TRHDE: variants seen among roughly 807,000 people sequenced by gnomAD.
TRHDE encodes thyrotropin releasing hormone degrading enzyme, also known as thyrotropin-releasing hormone-degrading ectoenzyme.
A neutral mutation model predicts 125.7 loss-of-function variants in TRHDE; 72 were observed. The ratio of observed to expected loss-of-function variants is 0.57; its 90% CI spans 0.47 to 0.70. TRHDE has a LOEUF of 0.70. TRHDE is among the 30% of genes least tolerant of loss of function. The probability of loss-of-function intolerance (pLI) is 0.00; values close to 1 mark genes in which losing one functional copy is unlikely to be tolerated. For synonymous variants in TRHDE, 509 were observed against 509.1 expected (o/e 1.00, Z 0.00); for missense variants, 1,110 against 1,327.1 (o/e 0.84, Z 2.54).
At chr12:72,174,095 G>T (rs1310373694) in intron 2 of TRHDE, among the ~76,000 whole-genome samples, 1 of 152,158 alleles carries the variant, frequency 6.6e-6, no homozygotes, top group African/African-American at 2.4e-5. Flanking sequence ...CTTGAAAAAT[G>T]CTTGTGCTTT....
intron 12 of TRHDE, among the ~76,000 whole-genome samples, chr12:72,594,397 T>TTTTTTTTTTTTTTTTTTTTTTG (rs1398916062): frequency 6.6e-6 from 1 of 151,796 alleles, no homozygotes; most frequent in African/African-American, 2.4e-5. Flanking sequence ...TTTGTATTTT[T>TTTTTTTTTTTTTTTTTTTTTTG]AGTGGAGACG....
chr12:72,449,818 A>T (rs2135868269), intron 3 of TRHDE, among the ~76,000 whole-genome samples: 1 of 152,134 alleles, frequency 6.6e-6, no homozygotes, highest in African/African-American at 2.4e-5. Context: ...TGAAGTTAAC[A>T]TTACAAAAAC....
chr12:72,554,135 AC>A (rs903502727), intron 7 of TRHDE, among the ~76,000 whole-genome samples: 7 of 151,976 alleles, frequency 4.6e-5, no homozygotes, highest in Admixed American at 3.9e-4. Flanking sequence ...GGAGTGAGCC[AC>A]CGCTCCCGGC....
chr12:72,664,801 T>C lies in TRHDE; in HGVS notation c.*1606T>C, dbSNP rs537735904. The C allele has an allele frequency of 6.6e-6, 1 of 152,178 alleles. No individual in the cohort carries two copies. Among genetic ancestry groups the C allele is most frequent in the South Asian group, 2.1e-4 (1 of 4,822 alleles). 9.4% of individuals were successfully genotyped at this position (152,178 alleles called of 1,614,324 possible). On this transcript the variant is annotated 3_prime_UTR_variant, in exon 19 of 19. Coordinates refer to ENST00000261180, the MANE Select transcript of TRHDE (RefSeq NM_013381.3). ...TTAGACATTTTAAGAACCAGAGCCA[T>C]AGAATTATTTTAAATTAGTAGAAAA...
At chr12:72,178,538 G>A (rs1381797737) in intron 2 of TRHDE, among the ~76,000 whole-genome samples, 1 of 152,058 alleles carries the variant, frequency 6.6e-6, no homozygotes, top group Non-Finnish European at 1.5e-5. Context: ...CAATAACAGA[G>A]AGGAACAAAA....
At chr12:72,597,741 A>G (rs10879455) in intron 12 of TRHDE, among the ~76,000 whole-genome samples, 8,331 of 22,620 alleles carry the variant, frequency 0.37, 1,093 homozygotes, top group East Asian at 0.64. Flanking sequence ...ATATATATAT[A>G]TATATATATA....
At chr12:72,452,490 C>G (rs1186751792) in intron 3 of TRHDE, among the ~76,000 whole-genome samples, 3 of 152,086 alleles carry the variant, frequency 2.0e-5, no homozygotes, top group Non-Finnish European at 4.4e-5. Flanking sequence ...CTGGAAGTGA[C>G]AAGTGTGGGC....
At chr12:72,353,395 ACG>A (rs1870673382) in intron 2 of TRHDE, among the ~76,000 whole-genome samples, 1 of 151,714 alleles carries the variant, frequency 6.6e-6, no homozygotes, top group Admixed American at 6.6e-5. Flanking sequence ...AAGGATATTA[ACG>A]GGCAATTTAT....
intron 2 of TRHDE, among the ~76,000 whole-genome samples, chr12:72,233,729 G>A (rs1259894110): frequency 3.3e-5 from 5 of 152,054 alleles, no homozygotes; most frequent in African/African-American, 2.4e-5. Context: ...AACAGTACAC[G>A]AACATGTGCA....
At chr12:72,468,264 A>G (rs889618042) in intron 3 of TRHDE, among the ~76,000 whole-genome samples, 4 of 152,110 alleles carry the variant, frequency 2.6e-5, no homozygotes, top group Non-Finnish European at 4.4e-5. Flanking sequence ...CTCTTCACTT[A>G]TTTCCTCGAC....
At chr12:72,616,374 G>A (rs1377933176) in intron 12 of TRHDE, among the ~76,000 whole-genome samples, 3 of 151,988 alleles carry the variant, frequency 2.0e-5, no homozygotes, top group African/African-American at 7.2e-5. Context: ...AGATTAAATT[G>A]TAGATATATA....
intron 3 of TRHDE, among the ~76,000 whole-genome samples, chr12:72,440,043 T>C (rs868756719): frequency 1.3e-5 from 2 of 152,130 alleles, no homozygotes; most frequent in Middle Eastern, 6.8e-3. Flanking sequence ...TTCATTCTGT[T>C]AATGTAATTT....
At chr12:72,654,225 G>A (rs1440133550) in intron 17 of TRHDE, among the ~76,000 whole-genome samples, 1 of 152,006 alleles carries the variant, frequency 6.6e-6, no homozygotes, top group African/African-American at 2.4e-5. Context: ...CAGCGTTCAG[G>A]GCAATGCAAT....
intron 2 of TRHDE, among the ~76,000 whole-genome samples, chr12:72,251,172 A>G (rs1390252712): frequency 6.6e-6 from 1 of 151,940 alleles, no homozygotes; most frequent in Non-Finnish European, 1.5e-5. Flanking sequence ...GTGTGTATAT[A>G]TGTTTAATTC....
chr12:72,257,821 G>A (rs1019788168), intron 2 of TRHDE: 1 of 152,134 alleles, frequency 6.6e-6, no homozygotes, highest in Admixed American at 6.5e-5. Context: ...AAATAAAAAA[G>A]TTTAAAAAGG....
intron 2 of TRHDE, among the ~76,000 whole-genome samples, chr12:72,300,399 CAT>C (rs920282295): frequency 1.4e-5 from 2 of 147,972 alleles, no homozygotes; most frequent in Non-Finnish European, 3.0e-5. Context: ...CACACACACA[CAT>C]TGCTGGGCAG....
intron 12 of TRHDE, among the ~76,000 whole-genome samples, chr12:72,615,365 T>C (rs999439595): frequency 6.6e-6 from 1 of 152,228 alleles, no homozygotes; most frequent in Non-Finnish European, 1.5e-5. Context: ...CGCTTCCTAC[T>C]GGGCTGATTA....
At chr12:72,456,853 T>C (rs549385232) in intron 3 of TRHDE, among the ~76,000 whole-genome samples, 103 of 152,306 alleles carry the variant, frequency 6.8e-4, no homozygotes, top group African/African-American at 2.4e-3. Context: ...ATTAGTTCTT[T>C]CTGTATTTCA....
At chr12:72,623,402 A>G (rs778453430) in intron 15 of TRHDE, among the ~76,000 whole-genome samples, 1 of 152,072 alleles carries the variant, frequency 6.6e-6, no homozygotes, top group African/African-American at 2.4e-5. Flanking sequence ...ACACCATTGC[A>G]TCACCATAAT....
Sources: gnomAD v4.1 joint callset for allele counts (sites outside exome capture counted in the v4.1 genomes callset) on GRCh38, gnomAD v4.1.1 for gene constraint, MANE v1.5 for transcripts, NCBI Gene and HGNC (gene_info 2026-07-23, HGNC 2026-07-21) for gene names.